SSR2: variants seen among roughly 807,000 people sequenced by gnomAD.
SSR2 encodes the protein signal sequence receptor subunit 2.
Under a neutral mutation model 22.6 loss-of-function variants are expected in SSR2, and 16 were observed. That is an observed-to-expected ratio of 0.71 (90% confidence interval 0.48 to 1.08). The LOEUF (loss-of-function observed/expected upper bound fraction) is 1.08. Ranked by LOEUF, SSR2 falls within the 50% of genes least tolerant of loss-of-function variation. The pLI is 0.00. For synonymous variants in SSR2, 83 were observed against 91.2 expected (o/e 0.91, Z 0.51); for missense variants, 171 against 221.6 (o/e 0.77, Z 1.45).
chr1:156,014,902 A>C, intron 4 of SSR2, 59 bp downstream of exon 4: 2 of 1,386,956 alleles, frequency 1.4e-6, no homozygotes, highest in Non-Finnish European at 2.0e-6. Context: ...CCCCACCACA[A>C]GAGATTTTAA....
At chr1:156,011,559 A>C (rs1217810183) in intron 5 of SSR2, 1 of 297,832 alleles carries the variant, frequency 3.4e-6, no homozygotes, top group East Asian at 5.6e-5. Context: ...CAGGAGTTTA[A>C]GATGGGTATC....
intron 3 of SSR2, among the ~76,000 whole-genome samples, chr1:156,016,786 G>A (rs1683064867): frequency 6.6e-6 from 1 of 152,038 alleles, no homozygotes; most frequent in South Asian, 2.1e-4. Context: ...TTTCTCCCTT[G>A]CCATTCTAAT....
intron 1 of SSR2, 198 bp from the exon 2 acceptor site, chr1:156,020,365 CG>C: frequency 1.8e-6 from 1 of 566,050 alleles, no homozygotes; most frequent in Non-Finnish European, 3.1e-6. Flanking sequence ...CTCGAAAAAC[CG>C]GTACAAGCAC....
intron 4 of SSR2, chr1:156,012,719 G>T: frequency 2.7e-6 from 1 of 364,992 alleles, no homozygotes; most frequent in South Asian, 2.1e-5. Flanking sequence ...TCCCTACTGT[G>T]TACTAATTAG....
At chr1:156,016,779 C>T (rs1321002570) in intron 3 of SSR2, among the ~76,000 whole-genome samples, 1 of 152,074 alleles carries the variant, frequency 6.6e-6, no homozygotes, top group Non-Finnish European at 1.5e-5. Context: ...GGGCAGATTT[C>T]TCCCTTGCCA....
intron 2 of SSR2, among the ~76,000 whole-genome samples, chr1:156,019,735 G>C (rs1237880811): frequency 6.6e-6 from 1 of 152,116 alleles, no homozygotes; most frequent in African/African-American, 2.4e-5. Flanking sequence ...TGTATTTTCT[G>C]TGTCTTTATC....
At chr1:156,018,057 G>C (rs2102724982) in intron 3 of SSR2, 2 of 423,350 alleles carry the variant, frequency 4.7e-6, no homozygotes, top group Middle Eastern at 6.6e-4. Flanking sequence ...CTTGTTTCAG[G>C]GTCTTATAAT....
intron 3 of SSR2, among the ~76,000 whole-genome samples, chr1:156,017,737 AG>A: frequency 1.8e-5 from 1 of 54,566 alleles, no homozygotes; most frequent in Non-Finnish European, 4.3e-5. Context: ...AGTATGTTTC[AG>A]GTTTTTTTTT....
chr1:156,015,757 G>A (rs1387645001), intron 3 of SSR2, among the ~76,000 whole-genome samples: 2 of 150,330 alleles, frequency 1.3e-5, no homozygotes, highest in African/African-American at 4.9e-5. Context: ...TAAAGTGTAT[G>A]GTATTTTTTT....
chr1:156,011,737 G>A (rs1682981047), intron 5 of SSR2, 73 bp downstream of exon 5: 1 of 1,284,662 alleles, frequency 7.8e-7, no homozygotes, highest in Non-Finnish European at 1.1e-6. Flanking sequence ...ATCTGTGGAA[G>A]CCAAGAGGGT....
chr1:156,018,954 G>A (rs1683104969), intron 2 of SSR2: 1 of 156,508 alleles, frequency 6.4e-6, no homozygotes, highest in African/African-American at 2.4e-5. Flanking sequence ...AGGATCACTT[G>A]CAGCTGGGAA....
chr1:156,012,772 A>G (rs565479007), intron 4 of SSR2: 1 of 307,024 alleles, frequency 3.3e-6, no homozygotes, highest in East Asian at 7.7e-5. Flanking sequence ...TTTTGGCTTC[A>G]TAAATTTATA....
At chr1:156,011,999 A>G (rs1417623432) in intron 4 of SSR2, 112 bp from the exon 5 acceptor site, 2 of 720,620 alleles carry the variant, frequency 2.8e-6, no homozygotes, top group African/African-American at 1.8e-5. Flanking sequence ...TTAGAGTCTT[A>G]GTTCCCAAAG....
chr1:156,020,297 A>C (rs189114352), intron 1 of SSR2, 130 bp from the exon 2 acceptor site: 90 of 933,568 alleles, frequency 9.6e-5, no homozygotes, highest in Admixed American at 2.2e-4. Flanking sequence ...AGAGTAGTCC[A>C]TAAGCCACCA....
chr1:156,017,507 G>A (rs956097025), intron 3 of SSR2, among the ~76,000 whole-genome samples: 34 of 151,572 alleles, frequency 2.2e-4, no homozygotes, highest in Non-Finnish European at 1.6e-4. Context: ...CCGCCACTGC[G>A]CCTGGCTAAT....
chr1:156,020,306 C>G lies in SSR2; in HGVS notation c.1-139G>C, dbSNP rs912058598. The stretch of plus-strand genomic sequence containing the variant: ...TTCCACAGAGTAGTCCATAAGCCAC[C>G]AGAGCAGACCCGTTCTCCAGACTCT... On this transcript the variant is annotated intron_variant, in intron 1 of 5. Coordinates refer to ENST00000295702, the MANE Select transcript of SSR2 (RefSeq NM_003145.4). 3.7e-6 allele frequency: 3 copies of G among 805,318 alleles called. No individual in the cohort carries two copies. The South Asian group carries it at 5.3e-5, about 14-fold the overall frequency. 49.9% of individuals were successfully genotyped at this position (805,318 alleles called of 1,614,324 possible).
At chr1:156,012,324 C>T in intron 4 of SSR2, 1 of 310,338 alleles carries the variant, frequency 3.2e-6, no homozygotes, top group Non-Finnish European at 6.4e-6. Context: ...CACTACTTCA[C>T]AGGGTTAATG....
At chr1:156,019,384 T>C (rs1041576989) in intron 2 of SSR2, 1 of 239,128 alleles carries the variant, frequency 4.2e-6, no homozygotes, top group Non-Finnish European at 8.9e-6. Context: ...GAAGGAAAAT[T>C]ACACTTTTTT....
At chr1:156,012,545 C>T (rs1682991965) in intron 4 of SSR2, 2 of 456,070 alleles carry the variant, frequency 4.4e-6, no homozygotes, top group African/African-American at 2.0e-5. Flanking sequence ...CAGGTAGAAC[C>T]AAAGAGTCCT....
Sources: gnomAD v4.1 joint callset for allele counts (sites outside exome capture counted in the v4.1 genomes callset) on GRCh38, gnomAD v4.1.1 for gene constraint, MANE v1.5 for transcripts, NCBI Gene and HGNC (gene_info 2026-07-23, HGNC 2026-07-21) for gene names.